Variants in C11orf65 observed in about 807,000 individuals in gnomAD.
The protein encoded by C11orf65 is protein MFI.
In C11orf65, 38 loss-of-function variants were observed where a neutral mutation model predicts 35.3. That is an observed-to-expected ratio of 1.08 (90% CI 0.83 to 1.41). C11orf65 has a LOEUF of 1.41. Among genes scored for constraint, C11orf65 ranks in the 40% most tolerant of loss-of-function variants. The pLI is 0.00. For synonymous variants in C11orf65, 105 were observed against 114.4 expected (o/e 0.92, Z 0.53); for missense variants, 370 against 367.1 (o/e 1.01, Z -0.06).
chr11:108,403,411 TTTTTTTTTG>T (rs993170774), intron 6 of C11orf65, among the ~76,000 whole-genome samples: 2 of 143,270 alleles, frequency 1.4e-5, no homozygotes, highest in African/African-American at 2.7e-5. Flanking sequence ...TTTGAGAGGT[TTTTTTTTTG>T]TTTTTTTTTT....
chr11:108,316,878 A>C (rs151123730), intron 6 of C11orf65, among the ~76,000 whole-genome samples: 1,742 of 151,924 alleles, frequency 0.011, 37 homozygotes, highest in African/African-American at 0.04. Context: ...GTGAGCCGAG[A>C]TCGCGCCACT....
At chr11:108,345,690 AGTTT>A in intron 2 of C11orf65, 3 of 1,331,696 alleles carry the variant, frequency 2.3e-6, no homozygotes, top group Middle Eastern at 2.7e-4. Context: ...TGTGTATATT[AGTTT>A]AATTGAACAC....
At chr11:108,419,400 T>C (rs1038430232) in intron 3 of C11orf65, among the ~76,000 whole-genome samples, 3 of 152,190 alleles carry the variant, frequency 2.0e-5, no homozygotes, top group Non-Finnish European at 4.4e-5. Context: ...TGTTCTTGGA[T>C]TTCTAAAAAA....
chr11:108,374,935 G>A (rs1409233395), intron 2 of C11orf65, among the ~76,000 whole-genome samples: 1 of 152,142 alleles, frequency 6.6e-6, no homozygotes, highest in East Asian at 1.9e-4. Flanking sequence ...GAAGTTTAGA[G>A]AAAAAAGAAT....
At chr11:108,351,009 A>G (rs570646787) in intron 2 of C11orf65, among the ~76,000 whole-genome samples, 2 of 152,354 alleles carry the variant, frequency 1.3e-5, no homozygotes, top group South Asian at 4.1e-4. Flanking sequence ...GAAACAATCC[A>G]GATATCCATC....
At position 108,427,721 on chromosome 11, in the gene C11orf65, C is replaced by CAAAAA. The variant is rs1176005299; in HGVS notation, c.174+4020_174+4024dup. Among the ~76,000 whole-genome samples the CAAAAA allele has an allele frequency of 2.0e-3, 83 of 40,742 alleles. 1 individual carries two copies. The highest frequency in any genetic ancestry group is 2.4e-3 in the African/African-American group (26 of 10,666). The allele number at this position is 40,742 out of a possible 152,430, so 26.7% of individuals were successfully genotyped here. On this transcript the variant is annotated intron_variant, in intron 3 of 8. Transcript: ENST00000393084. The stretch of plus-strand genomic sequence containing the variant: ...TGGGCGACAGAGCGAAACTCCGCCT[C>CAAAAA]AAAAAAAAAAAAAAAAAAAAAAAAG...
At chr11:108,429,426 C>G (rs547045623) in intron 3 of C11orf65, among the ~76,000 whole-genome samples, 39 of 146,178 alleles carry the variant, frequency 2.7e-4, no homozygotes, top group Admixed American at 2.3e-3. Context: ...TAATAAAAAT[C>G]AAAGGAAAGA....
chr11:108,416,990 T>C (rs2092742935), intron 3 of C11orf65, among the ~76,000 whole-genome samples: 1 of 152,168 alleles, frequency 6.6e-6, no homozygotes, highest in African/African-American at 2.4e-5. Context: ...TATGATTTCA[T>C]AAGTCAAATA....
intron 7 of C11orf65, among the ~76,000 whole-genome samples, chr11:108,392,694 T>C (rs896237991): frequency 2.0e-5 from 3 of 152,228 alleles, no homozygotes; most frequent in African/African-American, 4.8e-5. Flanking sequence ...TTTTTAATTA[T>C]AGCTATCCTA....
At chr11:108,392,753 T>G (rs1001142682) in intron 7 of C11orf65, among the ~76,000 whole-genome samples, 10 of 152,362 alleles carry the variant, frequency 6.6e-5, no homozygotes, top group Non-Finnish European at 1.2e-4. Flanking sequence ...ATTTCCTTAA[T>G]GGGGCTACAT....
chr11:108,370,346 C>CCA (rs981449103), intron 2 of C11orf65, among the ~76,000 whole-genome samples: 3 of 151,558 alleles, frequency 2.0e-5, no homozygotes, highest in Admixed American at 2.0e-4. Flanking sequence ...TTTGGATTTT[C>CCA]TATATATATA....
At chr11:108,359,304 G>C (rs376347466) in intron 2 of C11orf65, among the ~76,000 whole-genome samples, 1 of 151,640 alleles carries the variant, frequency 6.6e-6, no homozygotes, top group Non-Finnish European at 1.5e-5. Flanking sequence ...AGCAAGTCCT[G>C]AGTGACCTAC....
intron 6 of C11orf65, among the ~76,000 whole-genome samples, chr11:108,401,943 A>C (rs554554709): frequency 6.6e-6 from 1 of 152,250 alleles, no homozygotes; most frequent in Non-Finnish European, 1.5e-5. Context: ...GAGTATGGCC[A>C]TATCAGTAAG....
chr11:108,400,185 A>G (rs886857705), intron 6 of C11orf65, among the ~76,000 whole-genome samples: 2 of 152,182 alleles, frequency 1.3e-5, no homozygotes, highest in African/African-American at 4.8e-5. Flanking sequence ...TAGCTCTCAA[A>G]TCGAGAGAGG....
intron 2 of C11orf65, chr11:108,353,959 T>C: frequency 1.4e-5 from 19 of 1,369,704 alleles, no homozygotes; most frequent in Non-Finnish European, 1.9e-5. Context: ...TTTGCACCTG[T>C]AATCCCAGCT....
intron 6 of C11orf65, among the ~76,000 whole-genome samples, chr11:108,396,559 C>A (rs541005461): frequency 2.0e-5 from 3 of 151,854 alleles, no homozygotes; most frequent in Admixed American, 1.3e-4. Flanking sequence ...TGGCCGGTTG[C>A]GGTGGCTTAT....
intron 2 of C11orf65, chr11:108,355,014 G>A: frequency 1.3e-6 from 1 of 741,824 alleles, no homozygotes; most frequent in East Asian, 2.6e-5. Context: ...GGAGGAGATT[G>A]TGCACTTAGC....
intron 2 of C11orf65, among the ~76,000 whole-genome samples, chr11:108,359,058 G>T (rs901301352): frequency 3.9e-4 from 58 of 148,756 alleles, no homozygotes; most frequent in African/African-American, 1.4e-3. Flanking sequence ...CCCATCTCAC[G>T]TGCAGAGACA....
chr11:108,356,404 C>T (rs150865253), intron 2 of C11orf65, among the ~76,000 whole-genome samples: 3,355 of 151,962 alleles, frequency 0.022, 54 homozygotes, highest in Middle Eastern at 0.044. Context: ...GGCGTGATGG[C>T]GGGCACCTGT....
Sources: allele counts gnomAD v4.1 joint callset (sites outside exome capture counted in the v4.1 genomes callset), GRCh38; gene constraint gnomAD v4.1.1; transcripts MANE v1.5; gene names NCBI Gene and HGNC (gene_info 2026-07-23, HGNC 2026-07-21).